Variants in ELOVL7 observed in about 807,000 individuals in gnomAD.
The protein encoded by ELOVL7 is very long chain fatty acid elongase 7.
ELOVL7 carries 27 observed loss-of-function variants against 35.7 expected under a neutral mutation model. The observed-to-expected ratio is 0.76, with a 90% CI of 0.56 to 1.04. The LOEUF (loss-of-function observed/expected upper bound fraction) is 1.04, where lower values mean the gene tolerates loss of function less well. ELOVL7 is among the 50% of genes least tolerant of loss of function. The pLI is 0.00. For missense variants in ELOVL7, 327 were observed against 340.8 expected (o/e 0.96, Z 0.32); for synonymous variants, 113 against 114.6 (o/e 0.99, Z 0.09).
intron 1 of ELOVL7, among the ~76,000 whole-genome samples, chr5:60,823,119 T>C (rs2112358860): frequency 6.7e-6 from 1 of 149,264 alleles, no homozygotes; most frequent in Admixed American, 6.7e-5. Flanking sequence ...TTGGAGTATT[T>C]TTACAGTGAG....
At chr5:60,836,666 C>G (rs1298333630) in intron 1 of ELOVL7, among the ~76,000 whole-genome samples, 1 of 151,954 alleles carries the variant, frequency 6.6e-6, no homozygotes, top group African/African-American at 2.4e-5. Context: ...TTTGTTCTGC[C>G]CTTGTTAGAG....
intron 1 of ELOVL7, among the ~76,000 whole-genome samples, chr5:60,818,242 C>T (rs1307736614): frequency 3.4e-5 from 5 of 146,870 alleles, no homozygotes; most frequent in East Asian, 2.1e-4. Flanking sequence ...TGCTTGAACC[C>T]GGGAGGCGGA....
intron 1 of ELOVL7, among the ~76,000 whole-genome samples, chr5:60,802,098 AT>A: frequency 6.6e-5 from 1 of 15,142 alleles, no homozygotes; most frequent in South Asian, 1.4e-3. Context: ...ATATATATAT[AT>A]ATATATATAT....
At chr5:60,818,400 A>G (rs768441465) in intron 1 of ELOVL7, among the ~76,000 whole-genome samples, 18 of 152,026 alleles carry the variant, frequency 1.2e-4, no homozygotes, top group Non-Finnish European at 1.5e-4. Flanking sequence ...TGGAATAATC[A>G]CTAAAAATCA....
At chr5:60,802,117 T>TATATACAC (rs1744677197) in intron 1 of ELOVL7, among the ~76,000 whole-genome samples, 1 of 12,096 alleles carries the variant, frequency 8.3e-5, no homozygotes. Flanking sequence ...TATATATATA[T>TATATACAC]ACACACACAC....
chr5:60,766,710 A>T, intron 5 of ELOVL7, 80 bp from the exon 6 acceptor site: 1 of 1,202,660 alleles, frequency 8.3e-7, no homozygotes. Context: ...TAAAATATGC[A>T]TACCATAAAA....
intron 2 of ELOVL7, among the ~76,000 whole-genome samples, chr5:60,795,510 G>A (rs1744198401): frequency 6.6e-6 from 1 of 152,134 alleles, no homozygotes; most frequent in Admixed American, 6.5e-5. Flanking sequence ...ACCTCTTTGG[G>A]TACCCTCCCA....
chr5:60,806,723 C>G (rs534750362), intron 1 of ELOVL7, among the ~76,000 whole-genome samples: 1 of 152,182 alleles, frequency 6.6e-6, no homozygotes, highest in Non-Finnish European at 1.5e-5. Context: ...TTTGCGGTCT[C>G]TCTCCTTGGC....
At chr5:60,802,137 T>A in intron 1 of ELOVL7, among the ~76,000 whole-genome samples, 1 of 136,370 alleles carries the variant, frequency 7.3e-6, no homozygotes, top group Non-Finnish European at 1.6e-5. Context: ...CACACACACA[T>A]ATATCCTATT....
At chr5:60,797,213 T>A (rs898297172) in intron 2 of ELOVL7, among the ~76,000 whole-genome samples, 2 of 152,244 alleles carry the variant, frequency 1.3e-5, no homozygotes, top group African/African-American at 4.8e-5. Flanking sequence ...CGGCAATATA[T>A]ACATACTATA....
At chr5:60,837,661 G>C (rs1746907391) in intron 1 of ELOVL7, among the ~76,000 whole-genome samples, 1 of 152,092 alleles carries the variant, frequency 6.6e-6, no homozygotes, top group Non-Finnish European at 1.5e-5. Context: ...TCTAATGTAG[G>C]CTGGGCGCAG....
intron 3 of ELOVL7, among the ~76,000 whole-genome samples, chr5:60,786,453 C>A (rs539667121): frequency 6.6e-6 from 1 of 152,248 alleles, no homozygotes; most frequent in African/African-American, 2.4e-5. Flanking sequence ...TATTTTATAA[C>A]CTGCTTTCAT....
At chr5:60,813,191 T>C (rs887221951) in intron 1 of ELOVL7, among the ~76,000 whole-genome samples, 1 of 152,188 alleles carries the variant, frequency 6.6e-6, no homozygotes, top group Non-Finnish European at 1.5e-5. Flanking sequence ...ACTTTTCTTT[T>C]ACTCCAAGCC....
intron 7 of ELOVL7, 58 bp from the exon 8 acceptor site, chr5:60,757,703 TC>T: frequency 7.1e-7 from 1 of 1,414,794 alleles, no homozygotes; most frequent in Non-Finnish European, 9.5e-7. Flanking sequence ...AACCACATTT[TC>T]ATCTGAACTG....
chr5:60,776,961 T>A (rs1404479751), intron 3 of ELOVL7, among the ~76,000 whole-genome samples: 2 of 152,148 alleles, frequency 1.3e-5, no homozygotes, highest in African/African-American at 4.8e-5. Context: ...AAATTTATAA[T>A]TGGTTAAACA....
At chr5:60,774,114 T>C (rs553610172) in intron 3 of ELOVL7, among the ~76,000 whole-genome samples, 156 of 152,160 alleles carry the variant, frequency 1.0e-3, no homozygotes, top group African/African-American at 3.6e-3. Context: ...GGAGGAGAGA[T>C]TCCTCCCTAA....
chr5:60,779,081 A>C (rs1743080256), intron 3 of ELOVL7, among the ~76,000 whole-genome samples: 3 of 152,186 alleles, frequency 2.0e-5, no homozygotes. Context: ...TACTGGTGCA[A>C]GAGGTGGGCT....
intron 3 of ELOVL7, among the ~76,000 whole-genome samples, chr5:60,776,410 A>G (rs369188381): frequency 6.6e-6 from 1 of 152,222 alleles, no homozygotes; most frequent in Admixed American, 6.5e-5. Flanking sequence ...CCAAAAATAT[A>G]CATACACTTG....
At chr5:60,835,259 T>C (rs1335752455) in intron 1 of ELOVL7, among the ~76,000 whole-genome samples, 1 of 151,404 alleles carries the variant, frequency 6.6e-6, no homozygotes, top group African/African-American at 2.4e-5. Context: ...CACCAATATT[T>C]TTCTGCTATA....
Sources: allele counts gnomAD v4.1 joint callset (sites outside exome capture counted in the v4.1 genomes callset), GRCh38; gene constraint gnomAD v4.1.1; transcripts MANE v1.5; gene names NCBI Gene and HGNC (gene_info 2026-07-23, HGNC 2026-07-21).